Variants in SPATA7 observed in about 807,000 individuals in gnomAD.
SPATA7 encodes the protein spermatogenesis associated 7.
SPATA7 carries 43 observed loss-of-function variants against 51.8 expected under a neutral mutation model. That is an observed-to-expected ratio of 0.83 (90% confidence interval 0.65 to 1.07). The LOEUF is 1.07. Among genes scored for constraint, SPATA7 ranks in the 50% least tolerant of loss-of-function variants. The pLI is 0.00. For synonymous variants in SPATA7, 230 were observed against 252.8 expected, an observed-to-expected ratio of 0.91 and a Z score of 0.86; for missense variants, 683 against 701.3, an observed-to-expected ratio of 0.97 and a Z score of 0.30.
At chr14:88,445,396 G>A (rs2077204584) in intron 3 of SPATA7, among the ~76,000 whole-genome samples, 1 of 152,138 alleles carries the variant, frequency 6.6e-6, no homozygotes, top group African/African-American at 2.4e-5. Flanking sequence ...CTGAGACAAT[G>A]GGGTTTTCTA....
intron 5 of SPATA7, among the ~76,000 whole-genome samples, chr14:88,424,967 T>G (rs2076748494): frequency 6.6e-6 from 1 of 152,126 alleles, no homozygotes; most frequent in Non-Finnish European, 1.5e-5. Flanking sequence ...AGAGTTAAAA[T>G]CAGTTTAAAA....
chr14:88,438,351 A>G lies in SPATA7; in HGVS notation c.1729A>G (p.Asn577Asp), dbSNP rs767523888. 1 of 1,614,096 alleles carries G rather than the reference A, an allele frequency of 6.2e-7. No individual in the cohort carries two copies. The highest frequency in any genetic ancestry group is 8.5e-7 in the Non-Finnish European group (1 of 1,179,982). Residue 577 changes from asparagine (N) to aspartate (D), a missense_variant, in exon 12 of 12, where the codon AAT becomes GAT. Asn to Asp is a conservative substitution (Grantham distance 23, BLOSUM62 1). Coordinates refer to ENST00000393545, the MANE Select transcript of SPATA7 (RefSeq NM_018418.5). ...VQFSSVKGDN[N>D]HDMELSTLKI... is the part of the protein sequence containing the mutation. ...GTTCTCCAGTGTCAAAGGCGACAAT[A>G]ATCATGACATGGAGTTATCAACTCT...
chr14:88,453,172 A>G (rs2077263449), intron 3 of SPATA7, among the ~76,000 whole-genome samples: 1 of 152,234 alleles, frequency 6.6e-6, no homozygotes, highest in African/African-American at 2.4e-5. Flanking sequence ...TTGGATACCC[A>G]GCTTGACAAT....
chr14:88,423,925 TA>T (rs1208799157), intron 5 of SPATA7, among the ~76,000 whole-genome samples: 1 of 152,286 alleles, frequency 6.6e-6, no homozygotes, highest in South Asian at 2.1e-4. Flanking sequence ...CTGACATCCT[TA>T]AAAAAGATTG....
downstream of SPATA7, among the ~76,000 whole-genome samples, chr14:88,456,859 T>A (rs915812235): frequency 3.3e-5 from 5 of 152,212 alleles, no homozygotes; most frequent in African/African-American, 1.2e-4. Context: ...CGGTTTTAGG[T>A]CTAACATTTA....
intron 8 of SPATA7, among the ~76,000 whole-genome samples, chr14:88,430,080 G>A (rs1160990265): frequency 3.3e-5 from 5 of 151,958 alleles, no homozygotes; most frequent in African/African-American, 7.3e-5. Flanking sequence ...AAGATGCCTC[G>A]ATAGTTTCAG....
intron 4 of SPATA7, among the ~76,000 whole-genome samples, chr14:88,464,316 T>A (rs1440398619): frequency 6.6e-6 from 1 of 152,220 alleles, no homozygotes; most frequent in Non-Finnish European, 1.5e-5. Flanking sequence ...CCCTGCAATT[T>A]AGATTCTTTT....
intron 4 of SPATA7, chr14:88,468,391 C>A (rs2077399812): frequency 5.4e-6 from 5 of 924,266 alleles, no homozygotes; most frequent in Non-Finnish European, 7.9e-6. Flanking sequence ...ACCTTAGCGT[C>A]TTCTAGAAAT....
chr14:88,433,666 G>A (rs1483281387), intron 10 of SPATA7, among the ~76,000 whole-genome samples: 1 of 152,160 alleles, frequency 6.6e-6, no homozygotes, highest in African/African-American at 2.4e-5. Context: ...TGCAAAACCA[G>A]ATTAGCTATT....
rs2075565638 is a variant in SPATA7, at chr14:88,386,051, A to G, written c.19+214A>G. ...TCGCAGGTCCGCTTCTTTGCCCTGA[A>G]TTTGTCGCCCTGACACCAGGGGCCC... On this transcript the variant is annotated intron_variant, in intron 1 of 11. Transcript: ENST00000393545. The G allele has an allele frequency of 2.1e-6, 3 of 1,434,078 alleles. No homozygotes were observed. In the Admixed American group the frequency reaches 8.5e-5, roughly 40 times the overall value. The allele number at this position is 1,434,078 out of a possible 1,614,324, so 88.8% of individuals were successfully genotyped here.
At chr14:88,438,893 A>C (rs576523018), downstream of SPATA7, among the ~76,000 whole-genome samples, 7 of 152,286 alleles carry the variant, frequency 4.6e-5, no homozygotes, top group African/African-American at 1.7e-4. Context: ...TATATAATGT[A>C]ACATAATCAC....
In SPATA7 at chr14:88,469,834, T is replaced by G. The variant is rs933236153; in HGVS notation, c.255-13T>G. 2 of 1,601,878 alleles carry G rather than the reference T, an allele frequency of 1.2e-6. No individual in the cohort carries two copies. The highest frequency in any genetic ancestry group is 1.7e-6 in the Non-Finnish European group (2 of 1,169,260). On this transcript the variant is annotated splice_polypyrimidine_tract_variant and intron_variant, in intron 4 of 4. Transcript: ENST00000556406. This position sits in a 1 kb window ranked among gnomAD's most constrained non-coding sequence, Gnocchi z 4.3. The stretch of plus-strand genomic sequence containing the variant: ...AACAGAACCACAACCCTACCCTGCC[T>G]TTTTCTCCACAGGTCAGGATTCCAG...
At chr14:88,444,697 A>C (rs1469613368) in intron 3 of SPATA7, among the ~76,000 whole-genome samples, 2 of 152,156 alleles carry the variant, frequency 1.3e-5, no homozygotes, top group African/African-American at 4.8e-5. Flanking sequence ...TCAGCTTTCT[A>C]CATATGGCTA....
At chr14:88,425,066 G>A (rs1204328290) in intron 5 of SPATA7, among the ~76,000 whole-genome samples, 1 of 152,060 alleles carries the variant, frequency 6.6e-6, no homozygotes, top group Non-Finnish European at 1.5e-5. Context: ...AAGAACATGG[G>A]CTCTGCCTCT....
rs759344161 is a variant in SPATA7, at chr14:88,426,303, G to T, written c.444G>T (p.Arg148Ser). The T allele has an allele frequency of 6.2e-6, 10 of 1,613,876 alleles. No individual in the cohort carries two copies. In the Admixed American group the frequency reaches 1.7e-4, roughly 27 times the overall value. Residue 148 changes from arginine to serine, a missense_variant, in exon 6 of 12, where the codon AGG becomes AGT. Coordinates refer to ENST00000393545, the MANE Select transcript of SPATA7 (RefSeq NM_018418.5). ...TGAATGGATTTTCATCCTTTGCAAG[G>T]TCACTAGTACCCTCTTCAGAGAGAC... ...EEMNGFSSFA[R>S]SLVPSSERLH...
chr14:88,426,917 C>T (rs538611136), intron 6 of SPATA7, among the ~76,000 whole-genome samples: 5 of 152,072 alleles, frequency 3.3e-5, no homozygotes, highest in Non-Finnish European at 7.4e-5. Flanking sequence ...GCACCTTATG[C>T]GTATGAATTA....
chr14:88,401,836 CAAAAAAA>C (rs57942112), intron 4 of SPATA7, among the ~76,000 whole-genome samples: 6 of 33,222 alleles, frequency 1.8e-4, no homozygotes, highest in East Asian at 1.1e-3. Flanking sequence ...GACCCTGTCT[CAAAAAAA>C]AAAAAAAAAA....
chr14:88,433,102 A>T (rs1345544414), intron 9 of SPATA7, 33 bp from the exon 10 acceptor site: 3 of 1,547,554 alleles, frequency 1.9e-6, no homozygotes, highest in Non-Finnish European at 2.7e-6. Context: ...GTAAGGAATA[A>T]TTTTTATGCT....
At chr14:88,429,531 T>C (rs1490875347) in intron 8 of SPATA7, 68 bp downstream of exon 8, 12 of 999,778 alleles carry the variant, frequency 1.2e-5, no homozygotes, top group Non-Finnish European at 1.9e-5. Context: ...AGACATATAG[T>C]ATTTGCCGCA....
Sources: gnomAD v4.1 joint callset for allele counts (sites outside exome capture counted in the v4.1 genomes callset) on GRCh38, gnomAD v4.1.1 for gene constraint, Gnocchi (gnomAD v3.1) non-coding constraint, MANE v1.5 for transcripts, NCBI Gene and HGNC (gene_info 2026-07-23, HGNC 2026-07-21) for gene names.